The following AFG2B variants were observed in gnomAD, a reference collection of about 807,000 sequenced individuals.
AFG2B encodes the protein ATPase family gene 2 protein homolog B.
At chr15:45,403,277 G>T in the AFG2B span, 1 of 1,589,474 alleles carries the variant, frequency 6.3e-7, no homozygotes, top group Admixed American at 1.8e-5. Flanking sequence ...GAGAACGTGC[G>T]GCGGGTCTTC....
the AFG2B span, chr15:45,417,376 T>C: frequency 6.2e-7 from 1 of 1,614,080 alleles, no homozygotes; most frequent in South Asian, 1.1e-5. Context: ...TAAGATCATC[T>C]ATATCCCACC....
the AFG2B span, chr15:45,414,896 T>G: frequency 1.1e-6 from 1 of 897,462 alleles, no homozygotes; most frequent in Non-Finnish European, 1.7e-6. Flanking sequence ...ATTTATACGT[T>G]TATTGAAAAA....
At chr15:45,403,670 C>G in the AFG2B span, 13 of 945,976 alleles carry the variant, frequency 1.4e-5, no homozygotes, top group South Asian at 2.3e-4. Flanking sequence ...CGTTCTCTGC[C>G]GATATATGAT....
At chr15:45,413,588 A>G in the AFG2B span, among the ~76,000 whole-genome samples, 608 of 152,278 alleles carry the variant, frequency 4.0e-3, 3 homozygotes, top group African/African-American at 0.013. Context: ...ACTGCTTGTG[A>G]CACTCCAGCC....
chr15:45,403,390 G>T, the AFG2B span: 14 of 1,610,980 alleles, frequency 8.7e-6, no homozygotes, highest in Non-Finnish European at 1.2e-5. Context: ...CGAGAGCCGC[G>T]TAGTGGCCCA....
chr15:45,418,494 T>C, the AFG2B span: 3 of 1,486,678 alleles, frequency 2.0e-6, no homozygotes, highest in African/African-American at 4.3e-5. Context: ...AATATTTTAA[T>C]AAATCATTGT....
At chr15:45,410,640 GA>G in the AFG2B span, 1 of 973,820 alleles carries the variant, frequency 1.0e-6, no homozygotes, top group South Asian at 2.2e-5. Flanking sequence ...TCACTAATGT[GA>G]TCCTAACATC....
the AFG2B span, chr15:45,410,305 T>G: frequency 7.1e-6 from 11 of 1,538,670 alleles, no homozygotes; most frequent in East Asian, 4.5e-5. Context: ...TAAAAACAAA[T>G]TGTGCTATAA....
chr15:45,416,423 G>A, the AFG2B span, among the ~76,000 whole-genome samples: 1 of 152,224 alleles, frequency 6.6e-6, no homozygotes, highest in Non-Finnish European at 1.5e-5. Context: ...TTCTCCAGAT[G>A]AGTTTGGTAT....
chr15:45,403,298 G>A, the AFG2B span: 1 of 1,591,002 alleles, frequency 6.3e-7, no homozygotes, highest in East Asian at 2.3e-5. Flanking sequence ...CAGCGCGCCC[G>A]GGAACTGGCC....
chr15:45,408,863 GGCAGCAGA>G, the AFG2B span, among the ~76,000 whole-genome samples: 1 of 152,052 alleles, frequency 6.6e-6, no homozygotes, highest in African/African-American at 2.4e-5. Context: ...CTCCAGCCTG[GGCAGCAGA>G]GCAAGACCCT....
At chr15:45,418,521 A>G in the AFG2B span, 3 of 1,551,336 alleles carry the variant, frequency 1.9e-6, no homozygotes, top group Non-Finnish European at 2.6e-6. Context: ...CATAAATGTT[A>G]TAAGATTTAA....
At chr15:45,418,669 A>G in the AFG2B span, 1 of 1,607,912 alleles carries the variant, frequency 6.2e-7, no homozygotes, top group Non-Finnish European at 8.5e-7. Context: ...GATCTTAGAA[A>G]CCTCTGCACA....
At chr15:45,416,587 A>G in the AFG2B span, among the ~76,000 whole-genome samples, 1 of 152,220 alleles carries the variant, frequency 6.6e-6, no homozygotes, top group Non-Finnish European at 1.5e-5. Context: ...TAATCAAATC[A>G]TTTCAAAATG....
At chr15:45,405,234 A>T in the AFG2B span, 2 of 1,312,570 alleles carry the variant, frequency 1.5e-6, no homozygotes, top group Admixed American at 4.8e-5. Flanking sequence ...TCTGCTGTCT[A>T]CCTCCATCCA....
At chr15:45,419,739 G>A in the AFG2B span, among the ~76,000 whole-genome samples, 1 of 151,876 alleles carries the variant, frequency 6.6e-6, no homozygotes, top group African/African-American at 2.4e-5. Context: ...CTATTGGCTG[G>A]GCTTAGTGAC....
At chr15:45,410,358 G>A in the AFG2B span, 3 of 1,603,458 alleles carry the variant, frequency 1.9e-6, no homozygotes, top group African/African-American at 2.7e-5. Flanking sequence ...GCTTTTTTGG[G>A]TGTATTTCTT....
the AFG2B span, among the ~76,000 whole-genome samples, chr15:45,412,129 G>C: frequency 6.7e-6 from 1 of 148,200 alleles, no homozygotes; most frequent in African/African-American, 2.5e-5. Flanking sequence ...TAGGCCGGGC[G>C]TGGTGGCTCA....
the AFG2B span, chr15:45,415,705 C>A: frequency 6.2e-7 from 1 of 1,614,060 alleles, no homozygotes; most frequent in Non-Finnish European, 8.5e-7. Context: ...CGAGTTCTTT[C>A]TGTTCTCCTG....
Sources: gnomAD v4.1 joint callset for allele counts (sites outside exome capture counted in the v4.1 genomes callset) on GRCh38, gnomAD v4.1.1 for gene constraint, MANE v1.5 for transcripts, NCBI Gene and HGNC (gene_info 2026-07-23, HGNC 2026-07-21) for gene names.